The following OXR1 variants were observed in gnomAD, a reference collection of about 807,000 sequenced individuals.
OXR1 encodes the protein oxidation resistance protein 1.
A neutral mutation model predicts 104.6 loss-of-function variants in OXR1; 41 were observed. The ratio of observed to expected loss-of-function variants is 0.39; its 90% CI spans 0.31 to 0.51. The LOEUF (loss-of-function observed/expected upper bound fraction) is 0.51, where lower values mean the gene tolerates loss of function less well. Ranked by LOEUF, OXR1 falls within the 20% of genes least tolerant of loss-of-function variation. OXR1 has a pLI of 0.77. For synonymous variants in OXR1, 348 were observed against 348.4 expected, an observed-to-expected ratio of 1.00 and a Z score of 0.01; for missense variants, 955 against 1,031.9, an observed-to-expected ratio of 0.93 and a Z score of 1.02.
At chr8:106,537,354 G>A (rs189568459) in intron 3 of OXR1, among the ~76,000 whole-genome samples, 1 of 152,160 alleles carries the variant, frequency 6.6e-6, no homozygotes, top group Admixed American at 6.5e-5. Flanking sequence ...TGAGGGTGCA[G>A]TGATTCTAAT....
At chr8:106,474,402 T>C (rs1385001715) in intron 2 of OXR1, among the ~76,000 whole-genome samples, 2 of 151,728 alleles carry the variant, frequency 1.3e-5, no homozygotes, top group East Asian at 3.9e-4. Context: ...TACCTGAGAG[T>C]AATATATAAA....
intron 3 of OXR1, among the ~76,000 whole-genome samples, chr8:106,560,974 C>T (rs1816633199): frequency 6.6e-6 from 1 of 152,156 alleles, no homozygotes; most frequent in African/African-American, 2.4e-5. Flanking sequence ...CGGTGCATTC[C>T]GGCCCAGATA....
At chr8:106,409,047 G>C (rs1199091507) in intron 2 of OXR1, among the ~76,000 whole-genome samples, 1 of 152,120 alleles carries the variant, frequency 6.6e-6, no homozygotes. Flanking sequence ...TTCTGCCTTA[G>C]AGTTATAGAA....
intron 2 of OXR1, among the ~76,000 whole-genome samples, chr8:106,396,405 G>A (rs1329999432): frequency 1.3e-5 from 2 of 152,066 alleles, no homozygotes; most frequent in Non-Finnish European, 2.9e-5. Context: ...GGTGCCTCAT[G>A]TTTGTGACAG....
intron 7 of OXR1, among the ~76,000 whole-genome samples, chr8:106,697,217 A>T (rs866558349): frequency 2.0e-5 from 3 of 152,130 alleles, no homozygotes; most frequent in Admixed American, 6.5e-5. Flanking sequence ...TCCAGTTTTG[A>T]TGGGTATGGG....
At chr8:106,723,361 G>A (rs561467162) in intron 11 of OXR1, among the ~76,000 whole-genome samples, 1 of 152,088 alleles carries the variant, frequency 6.6e-6, no homozygotes, top group Middle Eastern at 3.4e-3. Context: ...AGCCAGGTGT[G>A]GTGGTGGATG....
At chr8:106,557,628 C>T (rs1046380810) in intron 3 of OXR1, among the ~76,000 whole-genome samples, 1 of 151,830 alleles carries the variant, frequency 6.6e-6, no homozygotes, top group South Asian at 2.1e-4. Flanking sequence ...ATGTTGAATT[C>T]ATCACATAGG....
At chr8:106,653,159 T>C (rs1377770987) in intron 3 of OXR1, among the ~76,000 whole-genome samples, 1 of 150,920 alleles carries the variant, frequency 6.6e-6, no homozygotes, top group Non-Finnish European at 1.5e-5. Context: ...GCCAGATGGC[T>C]TCAATGGTGA....
chr8:106,695,861 C>T (rs1323735843), intron 7 of OXR1, among the ~76,000 whole-genome samples: 1 of 151,788 alleles, frequency 6.6e-6, no homozygotes, highest in Admixed American at 6.6e-5. Flanking sequence ...TTTAAATGGA[C>T]GGAAGAATTG....
chr8:106,446,644 T>C (rs1300364631), intron 2 of OXR1, among the ~76,000 whole-genome samples: 3 of 150,976 alleles, frequency 2.0e-5, no homozygotes. Flanking sequence ...AAAAATCAAA[T>C]TTTTGGCCAG....
chr8:106,478,847 T>C (rs1236926473), intron 2 of OXR1, among the ~76,000 whole-genome samples: 1 of 151,894 alleles, frequency 6.6e-6, no homozygotes, highest in East Asian at 1.9e-4. Context: ...AGAATAGGTT[T>C]CTAAGAAAAA....
At chr8:106,468,310 A>G (rs1246489536) in intron 2 of OXR1, among the ~76,000 whole-genome samples, 1 of 151,648 alleles carries the variant, frequency 6.6e-6, no homozygotes. Context: ...ACAATTTTTG[A>G]GTTTACTTTA....
chr8:106,546,824 C>A (rs900132320), intron 3 of OXR1, among the ~76,000 whole-genome samples: 3 of 152,268 alleles, frequency 2.0e-5, no homozygotes, highest in South Asian at 2.1e-4. Flanking sequence ...CTCCTTTTGG[C>A]ATAGTGAATT....
intron 2 of OXR1, among the ~76,000 whole-genome samples, chr8:106,440,799 A>G (rs898384877): frequency 2.6e-5 from 4 of 152,168 alleles, no homozygotes; most frequent in African/African-American, 7.2e-5. Flanking sequence ...AATATAAAAC[A>G]TCACCAAATT....
chr8:106,549,644 G>A (rs529873377), intron 3 of OXR1, among the ~76,000 whole-genome samples: 1 of 152,312 alleles, frequency 6.6e-6, no homozygotes, highest in East Asian at 1.9e-4. Context: ...GAGAGTTCAA[G>A]ATCAACGCAC....
chr8:106,310,153 T>C (rs993404418), intron 1 of OXR1, among the ~76,000 whole-genome samples: 4 of 152,026 alleles, frequency 2.6e-5, no homozygotes, highest in South Asian at 2.1e-4. Flanking sequence ...AAAAATGTTA[T>C]ATTTTATTAT....
chr8:106,642,328 T>G (rs571296301), intron 3 of OXR1, among the ~76,000 whole-genome samples: 2 of 152,252 alleles, frequency 1.3e-5, no homozygotes, highest in African/African-American at 4.8e-5. Flanking sequence ...GTAACAAACT[T>G]CAAAATATAT....
At chr8:106,510,568 A>G (rs550303042) in intron 2 of OXR1, among the ~76,000 whole-genome samples, 7 of 152,354 alleles carry the variant, frequency 4.6e-5, no homozygotes, top group Non-Finnish European at 1.0e-4. Flanking sequence ...TTTAATTTCT[A>G]GTATTCATAG....
intron 3 of OXR1, chr8:106,618,087 G>T: frequency 6.5e-7 from 1 of 1,535,774 alleles, no homozygotes; most frequent in Non-Finnish European, 8.7e-7. Flanking sequence ...GAGAAGCACA[G>T]GAATCAAAAT....
Sources: gnomAD v4.1 joint callset for allele counts (sites outside exome capture counted in the v4.1 genomes callset) on GRCh38, gnomAD v4.1.1 for gene constraint, MANE v1.5 for transcripts, NCBI Gene and HGNC (gene_info 2026-07-23, HGNC 2026-07-21) for gene names.